The following PSTPIP2 variants were observed in gnomAD, a reference collection of about 807,000 sequenced individuals.
The protein encoded by PSTPIP2 is proline-serine-threonine phosphatase interacting protein 2.
PSTPIP2 carries 33 observed loss-of-function variants against 63.3 expected under a neutral mutation model. That is an observed-to-expected ratio of 0.52 (90% CI 0.40 to 0.70). The LOEUF is 0.70. PSTPIP2 is among the 30% of genes least tolerant of loss of function. The probability of loss-of-function intolerance (pLI) is 0.00; values close to 1 mark genes in which losing one functional copy is unlikely to be tolerated. For missense variants in PSTPIP2, 312 were observed against 400.7 expected, an observed-to-expected ratio of 0.78 and a Z score of 1.89; for synonymous variants, 125 against 132.7, an observed-to-expected ratio of 0.94 and a Z score of 0.40.
At chr18:46,049,816 G>A (rs1198270479) in intron 1 of PSTPIP2, among the ~76,000 whole-genome samples, 1 of 152,106 alleles carries the variant, frequency 6.6e-6, no homozygotes, top group Non-Finnish European at 1.5e-5. Flanking sequence ...GGAGATGGAG[G>A]TTGCAGTGAG....
At chr18:46,061,628 G>A (rs1413424198) in intron 1 of PSTPIP2, among the ~76,000 whole-genome samples, 2 of 152,226 alleles carry the variant, frequency 1.3e-5, no homozygotes, top group African/African-American at 4.8e-5. Flanking sequence ...ACATAGGACA[G>A]GTAGATGAGG....
intron 1 of PSTPIP2, among the ~76,000 whole-genome samples, chr18:46,054,015 C>T (rs1291895180): frequency 1.3e-5 from 2 of 152,170 alleles, no homozygotes; most frequent in Non-Finnish European, 2.9e-5. Flanking sequence ...GCCTACTACA[C>T]AGTGAGGCTA....
At chr18:46,001,433 T>A (rs1328074604) in intron 6 of PSTPIP2, among the ~76,000 whole-genome samples, 2 of 152,206 alleles carry the variant, frequency 1.3e-5, no homozygotes, top group African/African-American at 4.8e-5. Flanking sequence ...CCCATTTTTT[T>A]AACCAATTGT....
At chr18:46,034,626 T>C (rs1272825130) in intron 2 of PSTPIP2, among the ~76,000 whole-genome samples, 3 of 152,212 alleles carry the variant, frequency 2.0e-5, no homozygotes, top group East Asian at 1.9e-4. Context: ...TTACCCACTA[T>C]ATATTGTGTA....
At chr18:46,043,396 GA>G (rs558608029) in intron 1 of PSTPIP2, among the ~76,000 whole-genome samples, 56 of 127,944 alleles carry the variant, frequency 4.4e-4, no homozygotes, top group South Asian at 3.9e-3. Flanking sequence ...GTCTCAAAAT[GA>G]AAAAAAAAAA....
At position 46,022,060 on chromosome 18, in the gene PSTPIP2, G is replaced by GTTCGTTTTTTT. The variant is rs1907382844; in HGVS notation, c.212+2538_212+2548dup. On this transcript the variant is annotated intron_variant, in intron 3 of 14. Coordinates refer to ENST00000409746, the MANE Select transcript of PSTPIP2 (RefSeq NM_024430.4). ...TGATGGGTATATAGCTATTTATTAT[G>GTTCGTTTTTTT]TTCGTTTTTTTACTTTTCTGTGATT... Among the ~76,000 whole-genome samples, 2 of 151,544 alleles carry GTTCGTTTTTTT rather than the reference G, an allele frequency of 1.3e-5. 1 individual carries two copies. The highest frequency in any genetic ancestry group is 4.2e-4 in the South Asian group (2 of 4,804).
intron 14 of PSTPIP2, among the ~76,000 whole-genome samples, chr18:45,986,277 T>G (rs549919696): frequency 1.3e-5 from 2 of 152,320 alleles, no homozygotes; most frequent in Admixed American, 1.3e-4. Flanking sequence ...GAACCCCAAC[T>G]CATTGAACTG....
rs79798191 is a variant in PSTPIP2 at position 46,053,214 on chromosome 18, T to G, written c.34-13167A>C. On this transcript the variant is annotated intron_variant, in intron 1 of 14. Transcript: ENST00000409746. ...TATTTATAAAACTGACATTTTGTGT[T>G]GTCCTTGAGGTTTTTTTCCAAAGTT... 4.6e-5 allele frequency among the ~76,000 whole-genome samples: 7 copies of G among 152,334 alleles called. No homozygotes were observed. In the East Asian group the frequency reaches 1.3e-3, roughly 29 times the overall value.
intron 13 of PSTPIP2, among the ~76,000 whole-genome samples, chr18:45,990,126 T>C (rs1210682834): frequency 6.6e-6 from 1 of 152,266 alleles, no homozygotes; most frequent in East Asian, 1.9e-4. Flanking sequence ...AGGGGAACTA[T>C]ATCTCAGTTC....
chr18:46,040,083 A>G lies in PSTPIP2; in HGVS notation c.34-36T>C, dbSNP rs370386572. On this transcript the variant is annotated intron_variant, in intron 1 of 14. Transcript: ENST00000409746. ...GACAACATGGCATCAGACCAGGAAC[A>G]GAAGGCAGCCCCCAAGGCCGGAGAG... The G allele has an allele frequency of 3.3e-5, 50 of 1,497,044 alleles. No homozygotes were observed. In the African/African-American group the frequency reaches 6.3e-4, roughly 19 times the overall value. The allele number at this position is 1,497,044 out of a possible 1,614,324, so 92.7% of individuals were successfully genotyped here.
intron 1 of PSTPIP2, among the ~76,000 whole-genome samples, chr18:46,063,305 A>G (rs897974919): frequency 2.0e-5 from 3 of 152,182 alleles, no homozygotes; most frequent in Non-Finnish European, 4.4e-5. Context: ...GCGCCCAATC[A>G]TAAGACACAT....
At chr18:46,040,378 A>G (rs1908148995) in intron 1 of PSTPIP2, 1 of 210,516 alleles carries the variant, frequency 4.8e-6, no homozygotes, top group Admixed American at 5.3e-5. Flanking sequence ...CAAAGATAAC[A>G]TCTTTACATA....
At chr18:45,991,459 T>G (rs1277507174) in intron 12 of PSTPIP2, among the ~76,000 whole-genome samples, 2 of 152,156 alleles carry the variant, frequency 1.3e-5, no homozygotes, top group African/African-American at 2.4e-5. Flanking sequence ...CCATAAAACT[T>G]GATAGAGGAA....
intron 3 of PSTPIP2, among the ~76,000 whole-genome samples, chr18:46,022,714 G>A (rs368499445): frequency 1.3e-5 from 2 of 152,160 alleles, no homozygotes; most frequent in East Asian, 3.8e-4. Flanking sequence ...GTGTAAGACG[G>A]AGTGTATTGC....
chr18:46,060,186 T>G (rs1407703721), intron 1 of PSTPIP2, among the ~76,000 whole-genome samples: 1 of 152,184 alleles, frequency 6.6e-6, no homozygotes, highest in Non-Finnish European at 1.5e-5. Context: ...ATATCTTTCC[T>G]GGTGCTTGTT....
At chr18:46,060,031 C>CA (rs1394219367) in intron 1 of PSTPIP2, among the ~76,000 whole-genome samples, 1 of 152,076 alleles carries the variant, frequency 6.6e-6, no homozygotes, top group African/African-American at 2.4e-5. Context: ...AACTCCGTCT[C>CA]AAAAATAAAT....
At chr18:46,070,090 C>T (rs896849309) in intron 1 of PSTPIP2, among the ~76,000 whole-genome samples, 3 of 152,080 alleles carry the variant, frequency 2.0e-5, no homozygotes, top group Non-Finnish European at 2.9e-5. Context: ...GGCTTGGGGG[C>T]GGAAGCAGGC....
At chr18:46,067,504 A>AG (rs955636514) in intron 1 of PSTPIP2, among the ~76,000 whole-genome samples, 4 of 149,502 alleles carry the variant, frequency 2.7e-5, no homozygotes, top group African/African-American at 9.8e-5. Context: ...CTCTGTCTCA[A>AG]AAAAAAAAAA....
chr18:46,035,803 G>C (rs534578887), intron 2 of PSTPIP2, among the ~76,000 whole-genome samples: 1 of 152,156 alleles, frequency 6.6e-6, no homozygotes, highest in African/African-American at 2.4e-5. Flanking sequence ...TCTGGGTTCT[G>C]TCACTTTCTA....
Sources: allele counts gnomAD v4.1 joint callset (sites outside exome capture counted in the v4.1 genomes callset), GRCh38; gene constraint gnomAD v4.1.1; transcripts MANE v1.5; gene names NCBI Gene and HGNC (gene_info 2026-07-23, HGNC 2026-07-21).